The following CPEB2 variants were observed in gnomAD, a reference collection of about 807,000 sequenced individuals.
CPEB2 encodes cytoplasmic polyadenylation element binding protein 2, also known as cytoplasmic polyadenylation element-binding protein 2.
In CPEB2, 56 loss-of-function variants were observed where a neutral mutation model predicts 93.6. That is an observed-to-expected ratio of 0.60 (90% CI 0.48 to 0.75). CPEB2 has a LOEUF of 0.75. CPEB2 is among the 30% of genes least tolerant of loss of function. CPEB2 has a pLI of 0.00. For missense variants in CPEB2, 1,579 were observed against 1,395.1 expected (o/e 1.13, Z -2.10); for synonymous variants, 764 against 586.3 (o/e 1.30, Z -4.38).
intron 5 of CPEB2, among the ~76,000 whole-genome samples, chr4:15,035,321 A>G (rs1319887730): frequency 6.6e-6 from 1 of 152,126 alleles, no homozygotes; most frequent in Non-Finnish European, 1.5e-5. Context: ...TATCTGTGTA[A>G]CCTTGAACAG....
intron 11 of CPEB2, among the ~76,000 whole-genome samples, chr4:15,064,361 A>ATCTT (rs1329244084): frequency 6.6e-6 from 1 of 152,134 alleles, no homozygotes; most frequent in Non-Finnish European, 1.5e-5. Context: ...TCAATTTTCC[A>ATCTT]TCTTTAAAGT....
intron 4 of CPEB2, among the ~76,000 whole-genome samples, chr4:15,030,581 C>G (rs576104570): frequency 2.6e-4 from 39 of 152,062 alleles, no homozygotes; most frequent in African/African-American, 9.4e-4. Context: ...TAATAATACC[C>G]TAAGTAAAAC....
intron 11 of CPEB2, chr4:15,063,794 G>C (rs1729432667): frequency 6.6e-6 from 1 of 152,096 alleles, no homozygotes; most frequent in Admixed American, 6.6e-5. Flanking sequence ...CTCAGTTGCA[G>C]AGCAGATGAA....
intron 4 of CPEB2, among the ~76,000 whole-genome samples, chr4:15,018,206 T>C (rs1724390411): frequency 6.6e-6 from 1 of 151,898 alleles, no homozygotes; most frequent in Non-Finnish European, 1.5e-5. Flanking sequence ...CAAGTTAGAA[T>C]TCTCTTTCAA....
At chr4:15,043,271 A>G (rs1727354302) in intron 6 of CPEB2, among the ~76,000 whole-genome samples, 1 of 152,216 alleles carries the variant, frequency 6.6e-6, no homozygotes, top group Admixed American at 6.5e-5. Flanking sequence ...AATTTATGAA[A>G]TATACTTTAG....
chr4:15,029,285 T>C (rs886361462), intron 4 of CPEB2, among the ~76,000 whole-genome samples: 1 of 152,080 alleles, frequency 6.6e-6, no homozygotes, highest in African/African-American at 2.4e-5. Flanking sequence ...AATTTCTTGG[T>C]TGAATCCCAT....
Position 15,003,859 on chromosome 4 carries a change from C to A in CPEB2, c.1186C>A (p.Gln396Lys). The A allele has an allele frequency of 1.2e-6, 1 of 849,718 alleles. No homozygotes were observed. The highest frequency in any genetic ancestry group is 1.6e-6 in the Non-Finnish European group (1 of 643,204). The allele number at this position is 849,718 out of a possible 1,614,324, so 52.6% of individuals were successfully genotyped here. ...CGCGTCGCCGCCACCCCAGCCCCAG[C>A]AGCCGCCGCCGACCCAGCCGCAGCA... is the stretch of plus-strand genomic sequence containing the variant. ...QTASPPPQPQ[Q>K]PPPTQPQQQP... The change falls in exon 1 of 12, where the codon CAG becomes AAG. Residue 396 changes from glutamine (Q) to lysine (K), a missense_variant. By Grantham distance (53) the Gln-to-Lys change is moderately conservative. Transcript: ENST00000538197.
intron 11 of CPEB2, among the ~76,000 whole-genome samples, chr4:15,064,094 A>ATTGT (rs1432993222): frequency 6.6e-6 from 1 of 152,120 alleles, no homozygotes; most frequent in African/African-American, 2.4e-5. Context: ...GGGAATGAAA[A>ATTGT]TTGTTTATTC....
intron 6 of CPEB2, among the ~76,000 whole-genome samples, chr4:15,043,229 A>G (rs1350080861): frequency 5.9e-5 from 9 of 152,222 alleles, no homozygotes; most frequent in Admixed American, 5.9e-4. Flanking sequence ...TAATGTCAAT[A>G]AGAACTTTAA....
chr4:15,039,558 G>A (rs1005372540), intron 5 of CPEB2, among the ~76,000 whole-genome samples: 1 of 151,824 alleles, frequency 6.6e-6, no homozygotes. Flanking sequence ...TTAATTTCAG[G>A]GTAAAAATAC....
At chr4:15,055,139 C>T (rs1728592698) in intron 8 of CPEB2, among the ~76,000 whole-genome samples, 1 of 152,108 alleles carries the variant, frequency 6.6e-6, no homozygotes, top group African/African-American at 2.4e-5. Context: ...TACTTTCTGC[C>T]ATTGAGAATT....
At chr4:15,056,961 T>C (rs759549781) in intron 8 of CPEB2, among the ~76,000 whole-genome samples, 40 of 152,122 alleles carry the variant, frequency 2.6e-4, no homozygotes, top group East Asian at 1.9e-4. Flanking sequence ...ATTAAAGATA[T>C]TGAATTTAGA....
chr4:15,008,654 CT>C (rs1161368602), intron 3 of CPEB2, among the ~76,000 whole-genome samples: 1 of 151,970 alleles, frequency 6.6e-6, no homozygotes, highest in African/African-American at 2.4e-5. Context: ...ACATAATAAA[CT>C]TTTTTTGGAA....
chr4:15,050,760 C>T (rs1183793049), intron 6 of CPEB2, among the ~76,000 whole-genome samples: 1 of 152,152 alleles, frequency 6.6e-6, no homozygotes. Context: ...CTTTCTCTAA[C>T]TCCTTGAATG....
chr4:15,010,557 A>G (rs1055830138), intron 3 of CPEB2: 6 of 152,222 alleles, frequency 3.9e-5, no homozygotes, highest in African/African-American at 1.4e-4. Flanking sequence ...TGAGCCTCTT[A>G]AAAATACAGC....
chr4:15,013,734 T>C (rs1420986144), intron 3 of CPEB2, among the ~76,000 whole-genome samples: 2 of 152,116 alleles, frequency 1.3e-5, no homozygotes, highest in African/African-American at 4.8e-5. Context: ...TGCTCTTTGG[T>C]TGCTCAAGGC....
At chr4:15,019,378 A>G (rs1724568403) in intron 4 of CPEB2, among the ~76,000 whole-genome samples, 1 of 148,640 alleles carries the variant, frequency 6.7e-6, no homozygotes, top group Admixed American at 6.7e-5. Context: ...TATGTTGTAT[A>G]TTTTCTTTCT....
chr4:15,003,099 G>A lies in CPEB2; in HGVS notation c.426G>A (p.Pro142=). The A allele has an allele frequency of 6.5e-7, 1 of 1,532,940 alleles. No homozygotes were observed. The highest frequency in any genetic ancestry group is 8.7e-7 in the Non-Finnish European group (1 of 1,145,946). The allele number at this position is 1,532,940 out of a possible 1,614,324, so 95.0% of individuals were successfully genotyped here. The change falls in exon 1 of 12, where the codon CCG becomes CCA. Residue 142 remains proline (P), a synonymous_variant. Transcript: ENST00000538197. ...THLLPSQDFK[P]SLHHPSSSSA... ...TCCTCCCCTCCCAGGACTTCAAACC[G>A]AGTCTGCACCACCCCTCCTCCTCCT...
chr4:15,040,640 TCTC>T (rs1269088394), intron 6 of CPEB2, among the ~76,000 whole-genome samples, 153 bp downstream of exon 6: 1 of 152,226 alleles, frequency 6.6e-6, no homozygotes, highest in Non-Finnish European at 1.5e-5. Flanking sequence ...TAATTTTAAA[TCTC>T]CTAACCTTTG....
Sources: gnomAD v4.1 joint callset for allele counts (sites outside exome capture counted in the v4.1 genomes callset) on GRCh38, gnomAD v4.1.1 for gene constraint, MANE v1.5 for transcripts, NCBI Gene and HGNC (gene_info 2026-07-23, HGNC 2026-07-21) for gene names.